The following MANBA variants were observed in gnomAD, a reference collection of about 807,000 sequenced individuals.
MANBA encodes mannosidase beta, also known as beta-mannosidase.
A neutral mutation model predicts 111.1 loss-of-function variants in MANBA; 83 were observed. That is an observed-to-expected ratio of 0.75 (90% CI 0.63 to 0.90). The LOEUF (loss-of-function observed/expected upper bound fraction) is 0.90, where lower values mean the gene tolerates loss of function less well. Among genes scored for constraint, MANBA ranks in the 40% least tolerant of loss-of-function variants. MANBA has a pLI of 0.00. For synonymous variants in MANBA, 370 were observed against 378.7 expected, an observed-to-expected ratio of 0.98 and a Z score of 0.27; for missense variants, 1,036 against 1,069.0, an observed-to-expected ratio of 0.97 and a Z score of 0.43.
intron 13 of MANBA, among the ~76,000 whole-genome samples, chr4:102,643,548 C>T (rs546341585): frequency 1.3e-5 from 2 of 152,284 alleles, no homozygotes; most frequent in African/African-American, 4.8e-5. Flanking sequence ...TCTCCACATC[C>T]TTGCCAATAC....
At chr4:102,734,527 T>C (rs1333237569) in intron 1 of MANBA, 2 of 1,608,242 alleles carry the variant, frequency 1.2e-6, no homozygotes, top group Non-Finnish European at 8.5e-7. Context: ...CCATCTGAGC[T>C]CAGAAGTGCT....
chr4:102,664,792 C>T lies in MANBA; in HGVS notation c.1378G>A (p.Glu460Lys). The change falls in exon 11 of 17, where the codon GAG becomes AAG. Residue 460 changes from glutamate to lysine, a missense_variant. Transcript: ENST00000647097. ...TGATACCAATTCATCATCAGCGCCT[C>T]CTCATTTTCATTATTGCCACTCCAT... ...IIWSGNNENE[E>K]ALMMNWYHIS... The T allele has an allele frequency of 6.2e-7, 1 of 1,610,482 alleles. No individual in the cohort carries two copies. Among genetic ancestry groups the T allele is most frequent in the East Asian group, 2.2e-5 (1 of 44,864 alleles).
chr4:102,729,659 C>A (rs1330444311), intron 1 of MANBA: 4 of 1,473,948 alleles, frequency 2.7e-6, no homozygotes, highest in African/African-American at 1.4e-5. Context: ...AGTCCTCCAC[C>A]AGCCCGGGCA....
intron 1 of MANBA, chr4:102,751,258 A>G (rs775068407): frequency 3.4e-5 from 10 of 291,178 alleles, no homozygotes; most frequent in Non-Finnish European, 5.5e-5. Context: ...AGCAGACCCA[A>G]GGAGGAAAAG....
intron 1 of MANBA, among the ~76,000 whole-genome samples, chr4:102,742,018 G>A (rs896967586): frequency 2.6e-5 from 4 of 151,942 alleles, no homozygotes; most frequent in African/African-American, 7.3e-5. Context: ...TTAATCTCAG[G>A]GCATGGTAAT....
At chr4:102,711,399 C>G (rs1354395068) in intron 5 of MANBA, among the ~76,000 whole-genome samples, 2 of 152,110 alleles carry the variant, frequency 1.3e-5, no homozygotes, top group Non-Finnish European at 2.9e-5. Context: ...AACTGTAAAT[C>G]AAAACCACAA....
chr4:102,754,866 A>C (rs947125505), intron 1 of MANBA, among the ~76,000 whole-genome samples: 9 of 152,166 alleles, frequency 5.9e-5, no homozygotes, highest in Non-Finnish European at 1.3e-4. Context: ...AGAGTTGTTA[A>C]GCTGTATATT....
At chr4:102,749,232 G>C (rs934209897) in intron 1 of MANBA, among the ~76,000 whole-genome samples, 3 of 152,172 alleles carry the variant, frequency 2.0e-5, no homozygotes, top group Non-Finnish European at 1.5e-5. Context: ...GAAATATTTG[G>C]ATATATGGAG....
At chr4:102,633,303 G>T (rs1314279546) in intron 16 of MANBA, 6 of 398,552 alleles carry the variant, frequency 1.5e-5, no homozygotes. Context: ...CAAGGTTCAT[G>T]CGGCTCATGC....
intron 5 of MANBA, among the ~76,000 whole-genome samples, chr4:102,696,576 A>T (rs1003358421): frequency 1.3e-5 from 2 of 152,160 alleles, no homozygotes; most frequent in Non-Finnish European, 2.9e-5. Flanking sequence ...AACCATAAGG[A>T]CTAGCAGGGC....
chr4:102,639,277 G>C (rs557803022), intron 14 of MANBA, among the ~76,000 whole-genome samples: 2 of 152,216 alleles, frequency 1.3e-5, no homozygotes, highest in African/African-American at 4.8e-5. Context: ...GTCCTTAAAG[G>C]TGAATCAGAG....
chr4:102,659,266 T>C lies in MANBA; in HGVS notation c.1486-1366A>G, dbSNP rs534122346. ...CAAGTAATTATAAGTATGATGAATA[T>C]TTTGAAGGAAAAGCGCAAGGCTCTT... On this transcript the variant is annotated intron_variant, in intron 11 of 16. Coordinates refer to ENST00000647097, the MANE Select transcript of MANBA (RefSeq NM_005908.4). Among the ~76,000 whole-genome samples, 4 of 152,292 alleles carry C rather than the reference T, an allele frequency of 2.6e-5. No individual in the cohort carries two copies. In the South Asian group the frequency reaches 8.3e-4, roughly 32 times the overall value.
chr4:102,731,352 A>G (rs1331740263), intron 1 of MANBA, among the ~76,000 whole-genome samples: 2 of 152,086 alleles, frequency 1.3e-5, no homozygotes, highest in African/African-American at 2.4e-5. Flanking sequence ...TCCAGGGGGA[A>G]TACTTCTCTA....
intron 1 of MANBA, chr4:102,754,017 AG>A (rs370334912): frequency 3.4e-4 from 110 of 322,890 alleles, no homozygotes; most frequent in South Asian, 6.1e-4. Context: ...AAAAAAAAAA[AG>A]AAAAAAAAAA....
intron 11 of MANBA, chr4:102,659,100 T>C (rs1364376068): frequency 6.6e-6 from 1 of 152,204 alleles, no homozygotes; most frequent in Non-Finnish European, 1.5e-5. Context: ...CTCTGTCAAG[T>C]ACTTATACAA....
At chr4:102,671,128 C>A in intron 9 of MANBA, 153 bp downstream of exon 9, 1 of 635,896 alleles carries the variant, frequency 1.6e-6, no homozygotes, top group South Asian at 1.7e-5. Flanking sequence ...TCACCTATGG[C>A]TCTTGGTTTA....
chr4:102,728,800 G>T, intron 1 of MANBA: 1 of 926,534 alleles, frequency 1.1e-6, no homozygotes, highest in Non-Finnish European at 1.7e-6. Flanking sequence ...CATGGGTCTC[G>T]ATCTTCTTCA....
At position 102,721,523 on chromosome 4, in the gene MANBA, C is replaced by T. The variant is rs544099929; in HGVS notation, c.549+1348G>A. On this transcript the variant is annotated intron_variant, in intron 4 of 16. Transcript: ENST00000647097. Reference sequence around the variant, plus strand: ...AGTCAAAAGGTGGAAGCAACCTAAACGTCCGTCAACAGATGAATGGATAAA... The same window carrying T: ...AGTCAAAAGGTGGAAGCAACCTAAATGTCCGTCAACAGATGAATGGATAAA... 1.1e-4 allele frequency among the ~76,000 whole-genome samples: 16 copies of T among 152,208 alleles called. 1 individual carries two copies. In the South Asian group the frequency reaches 2.7e-3, roughly 26 times the overall value.
chr4:102,674,761 G>A (rs184934282), intron 7 of MANBA, among the ~76,000 whole-genome samples: 18 of 152,288 alleles, frequency 1.2e-4, no homozygotes, highest in African/African-American at 4.1e-4. Flanking sequence ...CAAGACCCCA[G>A]ATAGAGAAGC....
Sources: allele counts gnomAD v4.1 joint callset (sites outside exome capture counted in the v4.1 genomes callset), GRCh38; gene constraint gnomAD v4.1.1; transcripts MANE v1.5; gene names NCBI Gene and HGNC (gene_info 2026-07-23, HGNC 2026-07-21).